Variants in LRRC42 observed in about 807,000 individuals in gnomAD.
LRRC42 encodes leucine-rich repeat-containing protein 42.
LRRC42 carries 43 observed loss-of-function variants against 44.3 expected under a neutral mutation model. The observed-to-expected ratio is 0.97, with a 90% confidence interval of 0.76 to 1.25. LRRC42 has a LOEUF of 1.25. LRRC42 is among the 50% of genes most tolerant of loss of function. LRRC42 has a pLI of 0.00. For missense variants in LRRC42, 540 were observed against 509.1 expected, an observed-to-expected ratio of 1.06 and a Z score of -0.58; for synonymous variants, 207 against 195.2, an observed-to-expected ratio of 1.06 and a Z score of -0.50.
Position 53,952,368 on chromosome 1 carries a change from A to G in LRRC42, c.369A>G (p.Glu123=). 1 of 1,614,072 alleles carries G rather than the reference A, an allele frequency of 6.2e-7. No homozygotes were observed. The highest frequency in any genetic ancestry group is 2.2e-5 in the East Asian group (1 of 44,872). The change falls in exon 3 of 9, where the codon GAA becomes GAG. Residue 123 remains glutamate, a synonymous_variant. Transcript: ENST00000371370. ...CTGAAAAGCTGTTCTCTGCTGCTGA[A>G]GCCAGACAGAAATTCACTGAGCCAG... ...QIAEKLFSAA[E]ARQKFTEPGA...
At position 53,962,392 on chromosome 1, in the gene LRRC42, G is replaced by A. The variant is rs749346484; in HGVS notation, c.910G>A (p.Glu304Lys). The change falls in exon 7 of 9, where the codon GAG becomes AAG. Residue 304 changes from glutamate to lysine, a missense_variant. Coordinates refer to ENST00000371370, the MANE Select transcript of LRRC42 (RefSeq NM_001256409.2). ...ATTTGATCATAGTAACTGCAAGACA[G>A]AGGGCTGGGCTGACCAGGTACTCCA... ...KEFDHSNCKT[E>K]GWADQIVLQW... The A allele has an allele frequency of 1.2e-6, 2 of 1,612,888 alleles. No homozygotes were observed. The highest frequency in any genetic ancestry group is 1.7e-6 in the Non-Finnish European group (2 of 1,178,836).
In LRRC42 at chr1:53,968,100, G is replaced by GGGAGGGGAATGCTA; in HGVS notation, c.*161_*162insGGAGGGGAATGCTA. On this transcript the variant is annotated 3_prime_UTR_variant, in exon 9 of 9. Transcript: ENST00000371370. ...TGGGAGGGGAATGCTATGGAAGTAT[G>GGGAGGGGAATGCTA]TAATAATTTCTAATGTATATTTTCA... 7.3e-6 allele frequency: 5 copies of GGGAGGGGAATGCTA among 685,822 alleles called. No individual in the cohort carries two copies. Among genetic ancestry groups the GGGAGGGGAATGCTA allele is most frequent in the Non-Finnish European group, 1.2e-5 (5 of 415,308 alleles). The allele number at this position is 685,822 out of a possible 1,614,324, so 42.5% of individuals were successfully genotyped here. A position where few individuals can be genotyped will look rare whatever the true frequency, so the allele number is the denominator to read the frequency against.
At chr1:53,952,494 T>G (rs1192072927) in intron 3 of LRRC42, 22 bp downstream of exon 3, 5 of 1,556,448 alleles carry the variant, frequency 3.2e-6, no homozygotes, top group Non-Finnish European at 4.4e-6. Flanking sequence ...GATTAGATTA[T>G]TCGGTATTTT....
Position 53,964,918 on chromosome 1 carries a change from G to T in LRRC42, c.928-1378G>T, listed in dbSNP as rs181269227. Among the ~76,000 whole-genome samples the T allele has an allele frequency of 4.0e-5, 6 of 151,624 alleles. No homozygotes were observed. In the East Asian group the frequency reaches 1.2e-3, roughly 30 times the overall value. On this transcript the variant is annotated intron_variant, in intron 7 of 8. Transcript: ENST00000371370. ...CCAGGCTGGTCTCGAACTCCTGGGC[G>T]CAAGGGATCCTACCGCCTCGGCCAC...
At chr1:53,962,254 A>G in intron 6 of LRRC42, 42 bp from the exon 7 acceptor site, 1 of 1,526,524 alleles carries the variant, frequency 6.6e-7, no homozygotes, top group South Asian at 1.1e-5. Context: ...GTAAGAATTA[A>G]CCAAATGTAT....
At chr1:53,953,304 T>C (rs1020821691) in intron 3 of LRRC42, among the ~76,000 whole-genome samples, 7 of 152,258 alleles carry the variant, frequency 4.6e-5, no homozygotes, top group East Asian at 1.9e-4. Flanking sequence ...TACACTCTTA[T>C]GGACCTTGCT....
At position 53,962,124 on chromosome 1, in the gene LRRC42, T is replaced by G; in HGVS notation, c.813+2T>G. On this transcript the variant is annotated splice_donor_variant, in intron 6 of 8. Transcript: ENST00000371370. LOFTEE classifies it high-confidence loss of function. Reference sequence around the variant, plus strand: ...GATATCTCTGGGACAGGGCTCAAGGTAAGACTTTTGGTTCCTTCTCTCATT... The same window carrying G: ...GATATCTCTGGGACAGGGCTCAAGGGAAGACTTTTGGTTCCTTCTCTCATT... 1 of 1,610,704 alleles carries G rather than the reference T, an allele frequency of 6.2e-7. No individual in the cohort carries two copies. The highest frequency in any genetic ancestry group is 8.5e-7 in the Non-Finnish European group (1 of 1,177,688).
chr1:53,951,397 T>A (rs1421351866), intron 2 of LRRC42, among the ~76,000 whole-genome samples: 1 of 152,230 alleles, frequency 6.6e-6, no homozygotes, highest in African/African-American at 2.4e-5. Flanking sequence ...TTAGCATGAA[T>A]TTTGAAGATG....
chr1:53,951,547 C>A (rs1291182722), intron 2 of LRRC42, among the ~76,000 whole-genome samples: 1 of 152,314 alleles, frequency 6.6e-6, no homozygotes, highest in South Asian at 2.1e-4. Flanking sequence ...GCCTCAGCCT[C>A]CTGAGTAGCT....
intron 4 of LRRC42, among the ~76,000 whole-genome samples, chr1:53,958,847 A>G (rs914038271): frequency 6.6e-6 from 1 of 150,566 alleles, no homozygotes; most frequent in African/African-American, 2.5e-5. Context: ...CAGCCTCCCA[A>G]AGTGCTGGGA....
chr1:53,966,545 T>TA (rs1362893844), intron 8 of LRRC42, among the ~76,000 whole-genome samples, 165 bp downstream of exon 8: 1 of 152,222 alleles, frequency 6.6e-6, no homozygotes. Context: ...AGTTCACACT[T>TA]AGCTTTGAGC....
chr1:53,959,941 G>C (rs1347332833), intron 4 of LRRC42, among the ~76,000 whole-genome samples: 1 of 141,410 alleles, frequency 7.1e-6, no homozygotes, highest in Admixed American at 7.0e-5. Flanking sequence ...TTTTTTGTTA[G>C]GCAGGGTCAT....
intron 4 of LRRC42, 59 bp downstream of exon 4, chr1:53,958,339 C>G: frequency 1.9e-6 from 3 of 1,590,832 alleles, no homozygotes; most frequent in South Asian, 2.2e-5. Context: ...AAGGCTGATC[C>G]AACAGGATTA....
chr1:53,955,953 A>G (rs1210129829), intron 3 of LRRC42, among the ~76,000 whole-genome samples: 1 of 152,150 alleles, frequency 6.6e-6, no homozygotes, highest in Non-Finnish European at 1.5e-5. Context: ...CCCATATTTT[A>G]TTGCAGCAAT....
intron 4 of LRRC42, among the ~76,000 whole-genome samples, chr1:53,959,343 C>G (rs1557647097): frequency 1.3e-5 from 2 of 152,174 alleles, no homozygotes; most frequent in East Asian, 3.8e-4. Flanking sequence ...CACAAATAGT[C>G]TGACTGATCT....
chr1:53,956,303 G>C (rs1401872878), intron 3 of LRRC42, among the ~76,000 whole-genome samples: 1 of 152,208 alleles, frequency 6.6e-6, no homozygotes, highest in East Asian at 1.9e-4. Flanking sequence ...AAACCCCAGT[G>C]ATTTTTAATC....
At chr1:53,963,859 C>T (rs1297226082) in intron 7 of LRRC42, among the ~76,000 whole-genome samples, 1 of 152,112 alleles carries the variant, frequency 6.6e-6, no homozygotes, top group Admixed American at 6.5e-5. Flanking sequence ...AGTCACAAGC[C>T]CTTTTTTTCT....
chr1:53,963,571 A>G (rs962900425), intron 7 of LRRC42, among the ~76,000 whole-genome samples: 1 of 152,250 alleles, frequency 6.6e-6, no homozygotes, highest in Admixed American at 6.5e-5. Context: ...AGGATCAAAT[A>G]AAACACCTAG....
chr1:53,967,911 A>G lies in LRRC42; in HGVS notation c.1259A>G (p.Glu420Gly), dbSNP rs529975651. 92 of 1,614,086 alleles carry G rather than the reference A, an allele frequency of 5.7e-5. 2 individuals are homozygous for G. In the South Asian group the frequency reaches 9.1e-4, roughly 16 times the overall value. The change falls in exon 9 of 9, where the codon GAA becomes GGA. Residue 420 changes from glutamate (E) to glycine (G), a missense_variant. Transcript: ENST00000371370. The part of the protein sequence containing the change: ...SKQKYVCLAV[E>G]DWDLLNSY ...CAGAAATATGTATGTCTTGCTGTGG[A>G]AGACTGGGACTTGTTAAATTCCTAT...
Sources: allele counts gnomAD v4.1 joint callset (sites outside exome capture counted in the v4.1 genomes callset), GRCh38; gene constraint gnomAD v4.1.1; transcripts MANE v1.5; gene names NCBI Gene and HGNC (gene_info 2026-07-23, HGNC 2026-07-21).